Variants in OXR1 observed in about 807,000 individuals in gnomAD.
The protein encoded by OXR1 is oxidation resistance 1.
OXR1 carries 41 observed loss-of-function variants against 104.6 expected under a neutral mutation model. That is an observed-to-expected ratio of 0.39 (90% CI 0.31 to 0.51). The LOEUF is 0.51. OXR1 is among the 20% of genes least tolerant of loss of function. The pLI is 0.77. For missense variants in OXR1, 955 were observed against 1,031.9 expected, an observed-to-expected ratio of 0.93 and a Z score of 1.02; for synonymous variants, 348 against 348.4, an observed-to-expected ratio of 1.00 and a Z score of 0.01.
chr8:106,672,310 T>C (rs1827093758), intron 3 of OXR1, among the ~76,000 whole-genome samples: 2 of 144,394 alleles, frequency 1.4e-5, no homozygotes, highest in South Asian at 4.3e-4. Context: ...AAACTCTGTC[T>C]CTACTAAAAA....
chr8:106,404,265 C>T (rs987213909), intron 2 of OXR1, among the ~76,000 whole-genome samples: 1 of 152,104 alleles, frequency 6.6e-6, no homozygotes, highest in Non-Finnish European at 1.5e-5. Context: ...CAGGGGGAGA[C>T]TTCTTCTACG....
chr8:106,708,537 C>G (rs1014484756), intron 9 of OXR1, among the ~76,000 whole-genome samples: 4 of 152,060 alleles, frequency 2.6e-5, no homozygotes, highest in African/African-American at 9.7e-5. Flanking sequence ...AATATTTATC[C>G]ATTGATGTTT....
At chr8:106,337,110 A>G (rs1281336007) in intron 1 of OXR1, among the ~76,000 whole-genome samples, 1 of 152,224 alleles carries the variant, frequency 6.6e-6, no homozygotes, top group Non-Finnish European at 1.5e-5. Flanking sequence ...TAGAATTACA[A>G]AGATAATTCA....
chr8:106,703,074 A>G lies in OXR1; in HGVS notation c.844A>G (p.Lys282Glu). The change falls in exon 8 of 17, where the codon AAG (lysine) becomes GAG (glutamate). Residue 282 changes from lysine to glutamate, a missense_variant. Lys to Glu is a moderately conservative substitution (Grantham distance 56). Around this residue, in one of 2 missense-constraint regions of OXR1, gnomAD observed 849 missense variants for 852.9 expected, o/e 1.00. Coordinates refer to ENST00000517566, the MANE Select transcript of OXR1 (RefSeq NM_001198533.2). ...CAAAGAAATTTTGGATAGCAAAATAAAGGAATCTTTACCCATGTAAGAGTG... is the reference window on the plus strand; with the variant it reads ...CAAAGAAATTTTGGATAGCAAAATAGAGGAATCTTTACCCATGTAAGAGTG... ...MYKEILDSKI[K>E]ESLPIDIDQL... The G allele has an allele frequency of 6.2e-7, 1 of 1,611,358 alleles. No homozygotes were observed. Among genetic ancestry groups the G allele is most frequent in the African/African-American group, 1.3e-5 (1 of 74,972 alleles).
chr8:106,748,860 G>A (rs2131606647), intron 16 of OXR1, among the ~76,000 whole-genome samples: 1 of 151,900 alleles, frequency 6.6e-6, no homozygotes, highest in Non-Finnish European at 1.5e-5. Context: ...GTGAGGCACT[G>A]CACCCGGCCC....
At chr8:106,670,115 T>A (rs909901544) in intron 3 of OXR1, among the ~76,000 whole-genome samples, 9 of 152,186 alleles carry the variant, frequency 5.9e-5, no homozygotes, top group African/African-American at 2.2e-4. Context: ...AGGCTGTGGG[T>A]ATAATGGAAC....
intron 2 of OXR1, among the ~76,000 whole-genome samples, chr8:106,407,376 G>T (rs1293519174): frequency 6.6e-6 from 1 of 152,144 alleles, no homozygotes; most frequent in Non-Finnish European, 1.5e-5. Flanking sequence ...TAATCAGTTT[G>T]CTGTACCTAA....
intron 1 of OXR1, among the ~76,000 whole-genome samples, chr8:106,288,684 AAT>A (rs1295580062): frequency 6.8e-6 from 1 of 146,206 alleles, no homozygotes; most frequent in Non-Finnish European, 1.5e-5. Context: ...TTATGTATTA[AAT>A]ATACAAATTT....
At chr8:106,574,061 G>A (rs1197683186) in intron 3 of OXR1, among the ~76,000 whole-genome samples, 1 of 152,188 alleles carries the variant, frequency 6.6e-6, no homozygotes, top group African/African-American at 2.4e-5. Flanking sequence ...CTATTTAAAT[G>A]TTGGGAAATG....
chr8:106,533,043 C>T (rs568350485), intron 3 of OXR1, among the ~76,000 whole-genome samples: 14 of 152,148 alleles, frequency 9.2e-5, no homozygotes, highest in Admixed American at 2.0e-4. Flanking sequence ...AGGATCCTAT[C>T]CAGGGTACTA....
At chr8:106,732,240 C>T (rs1383354135) in intron 11 of OXR1, among the ~76,000 whole-genome samples, 1 of 152,140 alleles carries the variant, frequency 6.6e-6, no homozygotes, top group African/African-American at 2.4e-5. Flanking sequence ...GAAAGCCTGC[C>T]ATGATCACTT....
chr8:106,733,784 C>T (rs368757519), intron 11 of OXR1, among the ~76,000 whole-genome samples: 69 of 146,768 alleles, frequency 4.7e-4, no homozygotes, highest in African/African-American at 1.7e-3. Context: ...CGAGATTGTG[C>T]CACTGCACTC....
chr8:106,368,921 A>G (rs1360880888), intron 2 of OXR1, among the ~76,000 whole-genome samples: 2 of 152,180 alleles, frequency 1.3e-5, no homozygotes, highest in Non-Finnish European at 2.9e-5. Context: ...ATACCCAGTA[A>G]TGGGATTGCT....
chr8:106,454,031 TCA>T (rs1205754342), intron 2 of OXR1, among the ~76,000 whole-genome samples: 1 of 152,212 alleles, frequency 6.6e-6, no homozygotes, highest in Non-Finnish European at 1.5e-5. Flanking sequence ...TTATTATATG[TCA>T]CTCTAATGCA....
intron 3 of OXR1, among the ~76,000 whole-genome samples, chr8:106,555,893 T>C (rs1816228408): frequency 6.7e-6 from 1 of 148,776 alleles, no homozygotes; most frequent in Non-Finnish European, 1.5e-5. Flanking sequence ...TATGTGTGTG[T>C]CTGTGTATAT....
At chr8:106,582,832 A>G (rs1028564048) in intron 3 of OXR1, among the ~76,000 whole-genome samples, 1 of 152,162 alleles carries the variant, frequency 6.6e-6, no homozygotes, top group African/African-American at 2.4e-5. Flanking sequence ...CAATTGTCTT[A>G]TACGTTTCAG....
intron 3 of OXR1, among the ~76,000 whole-genome samples, chr8:106,525,589 A>G (rs570313050): frequency 6.6e-6 from 1 of 152,312 alleles, no homozygotes; most frequent in East Asian, 1.9e-4. Context: ...TGCCACCTAA[A>G]TGCTCTCTGC....
At chr8:106,292,794 C>G (rs1192313770) in intron 1 of OXR1, among the ~76,000 whole-genome samples, 1 of 152,102 alleles carries the variant, frequency 6.6e-6, no homozygotes, top group African/African-American at 2.4e-5. Flanking sequence ...GAAGGAGCAG[C>G]CTGTGAGGTA....
At chr8:106,533,478 A>G (rs1814241248) in intron 3 of OXR1, among the ~76,000 whole-genome samples, 1 of 152,180 alleles carries the variant, frequency 6.6e-6, no homozygotes, top group Non-Finnish European at 1.5e-5. Flanking sequence ...GAAGCAGCAC[A>G]TTGGTTTGGT....
Sources: allele counts gnomAD v4.1 joint callset (sites outside exome capture counted in the v4.1 genomes callset), GRCh38; gene constraint gnomAD v4.1.1; regional missense constraint gnomAD v4.1.1; transcripts MANE v1.5; gene names NCBI Gene and HGNC (gene_info 2026-07-23, HGNC 2026-07-21).